Variants in ZNF880 observed in about 807,000 individuals in gnomAD.
The protein encoded by ZNF880 is zinc finger protein LOC400713.
ZNF880 carries 12 observed loss-of-function variants against 11.8 expected under a neutral mutation model. The ratio of observed to expected loss-of-function variants is 1.02; its 90% CI spans 0.65 to 1.65. The LOEUF (loss-of-function observed/expected upper bound fraction) is 1.65, where lower values mean the gene tolerates loss of function less well. ZNF880 is among the 40% of genes most tolerant of loss of function. The pLI, the probability that ZNF880 is intolerant of heterozygous loss-of-function variation, is 0.00. For synonymous variants in ZNF880, 210 were observed against 232.4 expected, an observed-to-expected ratio of 0.90 and a Z score of 0.88; for missense variants, 601 against 673.9, an observed-to-expected ratio of 0.89 and a Z score of 1.20.
chr19:52,387,729 G>A (rs1986923728), downstream of ZNF880, among the ~76,000 whole-genome samples: 2 of 143,104 alleles, frequency 1.4e-5, no homozygotes, highest in East Asian at 2.0e-4. Context: ...GATTACAGGC[G>A]TGAGCCACTG....
At chr19:52,371,707 C>T (rs977157402) in intron 1 of ZNF880, among the ~76,000 whole-genome samples, 6 of 152,114 alleles carry the variant, frequency 3.9e-5, no homozygotes, top group Admixed American at 2.0e-4. Flanking sequence ...AATGCCCAGA[C>T]TCCTGGGATC....
intron 1 of ZNF880, among the ~76,000 whole-genome samples, 189 bp from the exon 2 acceptor site, chr19:52,372,922 A>T (rs1986428798): frequency 9.5e-6 from 1 of 104,960 alleles, no homozygotes. Flanking sequence ...AAAAAAAAAA[A>T]AAAAAAAAAA....
chr19:52,376,308 C>T (rs1295675481), intron 3 of ZNF880, among the ~76,000 whole-genome samples: 1 of 152,130 alleles, frequency 6.6e-6, no homozygotes, highest in Non-Finnish European at 1.5e-5. Flanking sequence ...CCTTTCACCA[C>T]ATCCACACCA....
chr19:52,380,091 GT>G (rs1240671345), intron 3 of ZNF880: 2 of 151,846 alleles, frequency 1.3e-5, no homozygotes, highest in Non-Finnish European at 2.9e-5. Flanking sequence ...ATAGAGACAG[GT>G]TTTTACCATG....
downstream of ZNF880, among the ~76,000 whole-genome samples, chr19:52,388,428 C>T (rs1986953950): frequency 6.6e-6 from 1 of 150,996 alleles, no homozygotes; most frequent in Non-Finnish European, 1.5e-5. Context: ...CAAGCGTGCA[C>T]CACCACGCCC....
rs1313939872 is a variant in ZNF880, at chr19:52,384,936, C to A, written c.1356C>A (p.Ser452Arg). The A allele has an allele frequency of 6.3e-7, 1 of 1,586,936 alleles. No homozygotes were observed. The highest frequency in any genetic ancestry group is 1.8e-5 in the Admixed American group (1 of 55,304). The change falls in exon 4 of 4, where the codon AGC becomes AGA. Residue 452 changes from serine (S) to arginine (R), a missense_variant. By Grantham distance (110) the Ser-to-Arg change is moderately radical (BLOSUM62 -1). This residue lies in a region of ZNF880 where 177 missense variants were observed against 214.5 expected (regional missense o/e 0.83). Transcript: ENST00000422689. Reference protein sequence around the residue: ...AKVFRHRLSLSNHQRFHTGEK... With the variant: ...AKVFRHRLSLRNHQRFHTGEK... Reference sequence around the variant, plus strand: ...TCTTCAGGCATAGATTATCCCTAAGCAATCATCAGAGATTTCATACTGGAG... The same window carrying A: ...TCTTCAGGCATAGATTATCCCTAAGAAATCATCAGAGATTTCATACTGGAG...
intron 1 of ZNF880, among the ~76,000 whole-genome samples, chr19:52,372,711 G>C (rs1366745200): frequency 4.7e-5 from 7 of 149,372 alleles, no homozygotes; most frequent in Admixed American, 2.0e-4. Flanking sequence ...ACCATCCTGT[G>C]TAACATGGTG....
At chr19:52,390,475 C>T (rs928865418), downstream of ZNF880, 9 of 226,128 alleles carry the variant, frequency 4.0e-5, no homozygotes, top group African/African-American at 7.1e-5. Context: ...AGTGTGGGGA[C>T]GTGACTTCTA....
At chr19:52,390,452 TCTC>T (rs1392971777), downstream of ZNF880, 2 of 284,004 alleles carry the variant, frequency 7.0e-6, no homozygotes, top group Non-Finnish European at 1.5e-5. Flanking sequence ...GGCCTCCCCT[TCTC>T]CTGATATCGA....
intron 3 of ZNF880, among the ~76,000 whole-genome samples, chr19:52,376,509 C>CCCTTTT (rs869042017): frequency 5.1e-5 from 3 of 58,324 alleles, no homozygotes; most frequent in Admixed American, 2.8e-4. Flanking sequence ...CCCCCCCCCC[C>CCCTTTT]TTTTTTTTTT....
chr19:52,373,669 A>ATTCTT (rs1986461292), intron 2 of ZNF880, among the ~76,000 whole-genome samples: 2,556 of 102,432 alleles, frequency 0.025, 110 homozygotes, highest in African/African-American at 0.094. Context: ...AAATACTGTA[A>ATTCTT]TTTTTTTTTT....
At chr19:52,372,373 C>T (rs183000041) in intron 1 of ZNF880, among the ~76,000 whole-genome samples, 3,617 of 145,954 alleles carry the variant, frequency 0.025, 162 homozygotes, top group African/African-American at 0.086. Flanking sequence ...CTGCAAGCTC[C>T]GCCTCCCAGG....
rs749957086 is a variant in ZNF880 at position 52,384,686 on chromosome 19, G to A, written c.1106G>A (p.Arg369Lys). The part of the protein sequence containing the change: ...KVFNRNAHLT[R>K]HQRIHTGEKP... The stretch of plus-strand genomic sequence containing the variant: ...TTCAATCGAAATGCACACCTTACCA[G>A]ACATCAAAGAATCCATACTGGAGAG... Residue 369 changes from arginine to lysine, a missense_variant, in exon 4 of 4, where the codon AGA (arginine) becomes AAA (lysine). Transcript: ENST00000422689. 1 of 1,610,642 alleles carries A rather than the reference G, an allele frequency of 6.2e-7. No homozygotes were observed. The highest frequency in any genetic ancestry group is 8.5e-7 in the Non-Finnish European group (1 of 1,178,502).
In ZNF880 at chr19:52,385,568, G is replaced by GCGCCTGGCCCATAAATTTTAAGAATGGTC. The variant is rs1171638588; in HGVS notation, c.*254_*255insCGCCTGGCCCATAAATTTTAAGAATGGTC. ...ACCATACAGATGGATTATGTATGCTGAGGCTATTATTCAAGGACCATTACT... is the reference window on the plus strand; with the variant it reads ...ACCATACAGATGGATTATGTATGCTGCGCCTGGCCCATAAATTTTAAGAATGGTCAGGCTATTATTCAAGGACCATTACT... On this transcript the variant is annotated 3_prime_UTR_variant, in exon 4 of 4. Coordinates refer to ENST00000422689, the MANE Select transcript of ZNF880 (RefSeq NM_001145434.2). 4.2e-5 allele frequency: 15 copies of GCGCCTGGCCCATAAATTTTAAGAATGGTC among 356,548 alleles called. No individual in the cohort carries two copies. Among genetic ancestry groups the GCGCCTGGCCCATAAATTTTAAGAATGGTC allele is most frequent in the Non-Finnish European group, 4.9e-5 (10 of 204,026 alleles). The allele number at this position is 356,548 out of a possible 1,614,324, so 22.1% of individuals were successfully genotyped here. A position where few individuals can be genotyped will look rare whatever the true frequency, so the allele number is the denominator to read the frequency against.
chr19:52,383,144 G>A (rs569937442), intron 3 of ZNF880, among the ~76,000 whole-genome samples: 9 of 152,240 alleles, frequency 5.9e-5, no homozygotes, highest in South Asian at 2.1e-4. Context: ...AGTTTCTCCT[G>A]TGATTGGTAT....
intron 1 of ZNF880, 70 bp downstream of exon 1, chr19:52,370,047 AG>A (rs1986316809): frequency 9.7e-6 from 15 of 1,538,654 alleles, no homozygotes; most frequent in Non-Finnish European, 1.2e-5. Flanking sequence ...CCGGCATCTC[AG>A]GGGTCACACA....
chr19:52,369,960 A>G lies in ZNF880; in HGVS notation c.-6A>G, dbSNP rs1234254656. ...ACCCGGAAGCAGATTACGTGGAGTG[A>G]CGGTCATGCTGCGGCGTGTGAGTTT... On this transcript the variant is annotated 5_prime_UTR_variant, in exon 1 of 4. Transcript: ENST00000422689. 7 of 1,551,474 alleles carry G rather than the reference A, an allele frequency of 4.5e-6. No individual in the cohort carries two copies. Among genetic ancestry groups the G allele is most frequent in the Non-Finnish European group, 5.2e-6 (6 of 1,146,986 alleles).
chr19:52,381,741 T>TC (rs1986712901), intron 3 of ZNF880, among the ~76,000 whole-genome samples: 1 of 152,198 alleles, frequency 6.6e-6, no homozygotes, highest in African/African-American at 2.4e-5. Flanking sequence ...CTTGTGTGTG[T>TC]CGGATAGATT....
chr19:52,387,280 CATACTTA>C (rs936297365), downstream of ZNF880, among the ~76,000 whole-genome samples: 6 of 143,858 alleles, frequency 4.2e-5, 1 homozygote, highest in African/African-American at 8.1e-5. Context: ...TTACACTAAT[CATACTTA>C]ATACTTGAGT....
Sources: allele counts gnomAD v4.1 joint callset (sites outside exome capture counted in the v4.1 genomes callset), GRCh38; gene constraint gnomAD v4.1.1; regional missense constraint gnomAD v4.1.1; transcripts MANE v1.5; gene names NCBI Gene and HGNC (gene_info 2026-07-23, HGNC 2026-07-21).